The following CNTN6 variants were observed in gnomAD, a reference collection of about 807,000 sequenced individuals.
The protein encoded by CNTN6 is contactin-6.
In CNTN6, 137 loss-of-function variants were observed where a neutral mutation model predicts 122.8. The ratio of observed to expected loss-of-function variants is 1.12; its 90% CI spans 0.97 to 1.29. The LOEUF (loss-of-function observed/expected upper bound fraction) is 1.29. Among genes scored for constraint, CNTN6 ranks in the 50% most tolerant of loss-of-function variants. The pLI, the probability that CNTN6 is intolerant of heterozygous loss-of-function variation, is 0.00. For synonymous variants in CNTN6, 570 were observed against 426.0 expected, an observed-to-expected ratio of 1.34 and a Z score of -4.16; for missense variants, 1,634 against 1,223.4, an observed-to-expected ratio of 1.34 and a Z score of -5.01.
chr3:1,355,267 G>A (rs1276250049), intron 12 of CNTN6, among the ~76,000 whole-genome samples: 2 of 151,608 alleles, frequency 1.3e-5, no homozygotes, highest in Admixed American at 1.3e-4. Context: ...CACAAAATGT[G>A]TGTACAGTAT....
chr3:1,245,329 T>G lies in CNTN6; in HGVS notation c.358+17336T>G, dbSNP rs574882421. Among the ~76,000 whole-genome samples, 105 of 79,340 alleles carry G rather than the reference T, an allele frequency of 1.3e-3. 8 individuals are homozygous for G. The highest frequency in any genetic ancestry group is 6.3e-3 in the Middle Eastern group (1 of 160). 52.1% of individuals were successfully genotyped at this position (79,340 alleles called of 152,430 possible). On this transcript the variant is annotated intron_variant, in intron 4 of 22. Coordinates refer to ENST00000446702, the MANE Select transcript of CNTN6 (RefSeq NM_001289080.2). ...ATATATATATATATATATATATATA[T>G]ATATATAGCATGGAATACTACTCAG...
At chr3:1,313,032 A>AAT (rs1699609711) in intron 7 of CNTN6, among the ~76,000 whole-genome samples, 1 of 151,756 alleles carries the variant, frequency 6.6e-6, no homozygotes, top group African/African-American at 2.4e-5. Flanking sequence ...ATGCCATTTC[A>AAT]GTCTCTTTAC....
chr3:1,277,397 T>G (rs1252224612), intron 4 of CNTN6, among the ~76,000 whole-genome samples: 3 of 126,722 alleles, frequency 2.4e-5, no homozygotes, highest in Non-Finnish European at 3.2e-5. Flanking sequence ...TCTGGCTCTG[T>G]CTCTCAGGCT....
intron 11 of CNTN6, among the ~76,000 whole-genome samples, chr3:1,349,397 G>T (rs565381651): frequency 0.02 from 2,986 of 149,372 alleles, 116 homozygotes; most frequent in African/African-American, 0.069. Flanking sequence ...GGCTGTGTGT[G>T]TTTTTTTTTA....
At chr3:1,111,267 C>T (rs1051081911) in intron 1 of CNTN6, among the ~76,000 whole-genome samples, 3 of 152,126 alleles carry the variant, frequency 2.0e-5, no homozygotes, top group African/African-American at 4.8e-5. Context: ...CTATTGTCTA[C>T]GCATTATATA....
chr3:1,143,933 C>A (rs1331854111), intron 1 of CNTN6, among the ~76,000 whole-genome samples: 1 of 152,138 alleles, frequency 6.6e-6, no homozygotes, highest in Non-Finnish European at 1.5e-5. Flanking sequence ...AGGAAACTGA[C>A]AATCAATGTG....
intron 12 of CNTN6, among the ~76,000 whole-genome samples, chr3:1,362,380 G>C (rs1262476581): frequency 1.3e-5 from 2 of 152,072 alleles, no homozygotes. Flanking sequence ...GAAGTTCTCA[G>C]ACAAGGGCTT....
At chr3:1,170,517 G>T (rs750986182) in intron 2 of CNTN6, among the ~76,000 whole-genome samples, 3 of 152,116 alleles carry the variant, frequency 2.0e-5, no homozygotes, top group Non-Finnish European at 4.4e-5. Context: ...CAAAAGAACT[G>T]ATATCCCAGG....
chr3:1,386,170 A>ATAT (rs1408098357), intron 20 of CNTN6, among the ~76,000 whole-genome samples: 1 of 152,190 alleles, frequency 6.6e-6, no homozygotes, highest in African/African-American at 2.4e-5. Flanking sequence ...GGAAAAAGTC[A>ATAT]TATTTATGTT....
intron 2 of CNTN6, among the ~76,000 whole-genome samples, chr3:1,192,644 C>T (rs1160466562): frequency 6.6e-6 from 1 of 152,098 alleles, no homozygotes; most frequent in East Asian, 1.9e-4. Context: ...CACAGATGCA[C>T]ACCTGCTGCT....
intron 4 of CNTN6, among the ~76,000 whole-genome samples, chr3:1,277,520 C>T (rs547416477): frequency 2.0e-5 from 3 of 151,790 alleles, no homozygotes; most frequent in Non-Finnish European, 4.4e-5. Flanking sequence ...GCCACCATGC[C>T]TGGCTAATTT....
At chr3:1,322,441 A>G (rs77202253) in intron 8 of CNTN6, among the ~76,000 whole-genome samples, 1 of 151,828 alleles carries the variant, frequency 6.6e-6, no homozygotes, top group East Asian at 1.9e-4. Context: ...TCTCTTACTT[A>G]ACATTAAGTA....
intron 11 of CNTN6, among the ~76,000 whole-genome samples, chr3:1,332,519 G>A (rs139854008): frequency 1.3e-3 from 68 of 53,614 alleles, no homozygotes; most frequent in African/African-American, 4.9e-3. Flanking sequence ...AGGAAGGAAG[G>A]AAGGAAGGAA....
chr3:1,199,000 G>T (rs2093820476), intron 2 of CNTN6, among the ~76,000 whole-genome samples: 1 of 152,042 alleles, frequency 6.6e-6, no homozygotes, highest in Admixed American at 6.6e-5. Context: ...GACAGAGATT[G>T]AAATCATGCA....
At chr3:1,116,069 G>A (rs1205219688) in intron 1 of CNTN6, among the ~76,000 whole-genome samples, 1 of 152,120 alleles carries the variant, frequency 6.6e-6, no homozygotes, top group Non-Finnish European at 1.5e-5. Context: ...AATCCTTTTT[G>A]TATTCCAAAA....
Position 1,278,474 on chromosome 3 carries a change from G to C in CNTN6, c.420G>C (p.Val140=). 1.2e-6 allele frequency: 2 copies of C among 1,612,358 alleles called. No individual in the cohort carries two copies. Among genetic ancestry groups the C allele is most frequent in the Non-Finnish European group, 1.7e-6 (2 of 1,178,842 alleles). Reference sequence around the variant, plus strand: ...TATCTGTCCGAGAAGGTCAAGGTGTGGTGCTTCTCTGTGGCCCACCGCCAC... The same window carrying C: ...TATCTGTCCGAGAAGGTCAAGGTGTCGTGCTTCTCTGTGGCCCACCGCCAC... ...STVSVREGQG[V]VLLCGPPPHF... Residue 140 remains valine, a synonymous_variant, in exon 5 of 23, where the codon GTG becomes GTC. Transcript: ENST00000446702.
intron 2 of CNTN6, among the ~76,000 whole-genome samples, chr3:1,154,044 G>A (rs1323292046): frequency 6.6e-6 from 1 of 152,196 alleles, no homozygotes; most frequent in East Asian, 1.9e-4. Flanking sequence ...ATTTCTAATA[G>A]AAATGGTCCA....
intron 5 of CNTN6, among the ~76,000 whole-genome samples, chr3:1,280,489 G>A (rs1330596773): frequency 4.9e-4 from 5 of 10,212 alleles, no homozygotes; most frequent in African/African-American, 1.8e-3. Flanking sequence ...TTTTGTGATA[G>A]CATCTCGCTC....
intron 5 of CNTN6, among the ~76,000 whole-genome samples, chr3:1,282,063 T>G (rs1443516808): frequency 6.6e-6 from 1 of 151,922 alleles, no homozygotes; most frequent in African/African-American, 2.4e-5. Context: ...TTTTATAAAT[T>G]TACCCAGCAA....
Sources: gnomAD v4.1 joint callset for allele counts (sites outside exome capture counted in the v4.1 genomes callset) on GRCh38, gnomAD v4.1.1 for gene constraint, MANE v1.5 for transcripts, NCBI Gene and HGNC (gene_info 2026-07-23, HGNC 2026-07-21) for gene names.